The following AFMID variants were observed in gnomAD, a reference collection of about 807,000 sequenced individuals.
AFMID encodes arylformamidase, also known as kynurenine formamidase.
Under a neutral mutation model 47.5 loss-of-function variants are expected in AFMID, and 39 were observed. The observed-to-expected ratio is 0.82, with a 90% confidence interval of 0.64 to 1.07. The LOEUF (loss-of-function observed/expected upper bound fraction) is 1.07, where lower values mean the gene tolerates loss of function less well. AFMID is among the 50% of genes least tolerant of loss of function. AFMID has a pLI of 0.00. For missense variants in AFMID, 375 were observed against 387.5 expected (o/e 0.97, Z 0.27); for synonymous variants, 130 against 153.2 (o/e 0.85, Z 1.12).
intron 2 of AFMID, among the ~76,000 whole-genome samples, chr17:78,199,163 T>C (rs1196274107): frequency 2.6e-5 from 4 of 152,266 alleles, no homozygotes; most frequent in Admixed American, 2.0e-4. Flanking sequence ...GGCAGCTTCC[T>C]GCCTGGATTG....
chr17:78,202,799 C>T, intron 4 of AFMID, 48 bp downstream of exon 4: 1 of 1,548,206 alleles, frequency 6.5e-7, no homozygotes, highest in Non-Finnish European at 8.7e-7. Flanking sequence ...ATTCCACTTT[C>T]CCTGGGGGAC....
chr17:78,194,951 A>G (rs926093810), intron 2 of AFMID, among the ~76,000 whole-genome samples: 1 of 151,364 alleles, frequency 6.6e-6, no homozygotes, highest in African/African-American at 2.4e-5. Flanking sequence ...GCCTCAGCCT[A>G]CCAAAGTGCT....
At chr17:78,192,384 G>A (rs1371380009) in intron 2 of AFMID, among the ~76,000 whole-genome samples, 7 of 137,942 alleles carry the variant, frequency 5.1e-5, no homozygotes, top group East Asian at 4.3e-4. Context: ...GTGCAATCTC[G>A]GCTCACTGCA....
chr17:78,202,272 TATAA>T (rs1289957376), intron 2 of AFMID, among the ~76,000 whole-genome samples: 1 of 150,164 alleles, frequency 6.7e-6, no homozygotes, highest in East Asian at 2.0e-4. Flanking sequence ...TATATATATA[TATAA>T]AAATTAGCTG....
At chr17:78,195,787 C>T (rs148515748) in intron 2 of AFMID, among the ~76,000 whole-genome samples, 22 of 152,228 alleles carry the variant, frequency 1.4e-4, no homozygotes, top group African/African-American at 3.6e-4. Context: ...AGAGCCACCA[C>T]GCCCGGCCTT....
rs1259198900 is a variant in AFMID, at chr17:78,202,725, T to A, written c.282T>A (p.Phe94Leu). 6.4e-7 allele frequency: 1 copy of A among 1,559,208 alleles called. No individual in the cohort carries two copies. Among genetic ancestry groups the A allele is most frequent in the Non-Finnish European group, 8.7e-7 (1 of 1,151,186 alleles). ...CAGCCTTGCCTTTCTTCCTGTTCTT[T>A]CACGGAGGATACTGGCAGAGCGGAA... is the stretch of plus-strand genomic sequence containing the variant. ...SSEALPFFLFFHGGYWQSGSK... is the reference protein window; with the variant it reads ...SSEALPFFLFLHGGYWQSGSK... Residue 94 changes from phenylalanine to leucine, a missense_variant, in exon 4 of 11, where the codon TTT becomes TTA. By Grantham distance (22) the Phe-to-Leu change is conservative. Coordinates refer to ENST00000409257, the MANE Select transcript of AFMID (RefSeq NM_001010982.5).
intron 10 of AFMID, 88 bp downstream of exon 10, chr17:78,206,138 C>A: frequency 9.1e-7 from 1 of 1,102,316 alleles, no homozygotes; most frequent in Non-Finnish European, 1.4e-6. Flanking sequence ...GAGTTCAAGA[C>A]CAGCCTGGCC....
chr17:78,205,236 A>G (rs1202722347), intron 7 of AFMID, 46 bp downstream of exon 7: 7 of 1,566,532 alleles, frequency 4.5e-6, no homozygotes, highest in African/African-American at 2.7e-5. Context: ...TCATCTCCCC[A>G]TGAGCCTTGG....
In AFMID at chr17:78,191,096, T is replaced by C. The variant is rs765647031; in HGVS notation, c.154+36T>C. On this transcript the variant is annotated intron_variant, in intron 2 of 10. Transcript: ENST00000409257. ...GACCTCTCCGTGGCCGCATTGGGTG[T>C]CCTTAAGCATGTGGCAGTGATTCAG... is the stretch of plus-strand genomic sequence containing the variant. 180 of 1,568,576 alleles carry C rather than the reference T, an allele frequency of 1.1e-4. No individual in the cohort carries two copies. The South Asian group carries it at 1.9e-3, about 16-fold the overall frequency.
At position 78,205,990 on chromosome 17, in the gene AFMID, C is replaced by T. The variant is rs376885495; in HGVS notation, c.825C>T (p.His275=). 3.8e-5 allele frequency: 62 copies of T among 1,613,966 alleles called. No individual in the cohort carries two copies. Among genetic ancestry groups the T allele is most frequent in the Non-Finnish European group, 4.7e-5 (55 of 1,180,024 alleles). ...GGAAAGCCTCATTTGAAGAGCTCCA[C>T]GATGTGGACCACTTTGAAATTGTTG... is the stretch of plus-strand genomic sequence containing the variant. ...GEWKASFEEL[H]DVDHFEIVEN... is the part of the protein sequence containing the mutation. Residue 275 remains histidine, a synonymous_variant, in exon 10 of 11, where the codon CAC becomes CAT. Transcript: ENST00000409257.
At chr17:78,202,423 C>G (rs544788496) in intron 2 of AFMID, 76 bp from the exon 3 acceptor site, 20 of 1,423,432 alleles carry the variant, frequency 1.4e-5, no homozygotes, top group Non-Finnish European at 1.4e-5. Flanking sequence ...AGTGAGACTT[C>G]GTCTCAAAAA....
chr17:78,201,150 C>G (rs926718560), intron 2 of AFMID, among the ~76,000 whole-genome samples: 16 of 151,852 alleles, frequency 1.1e-4, no homozygotes, highest in African/African-American at 3.9e-4. Flanking sequence ...GTGTCCACCA[C>G]CACGTCCAGA....
At position 78,207,002 on chromosome 17, in the gene AFMID, T is replaced by C. The variant is rs748862659; in HGVS notation, c.*65T>C. The C allele has an allele frequency of 5.1e-6, 8 of 1,558,142 alleles. No homozygotes were observed. The South Asian group carries it at 7.8e-5, about 15-fold the overall frequency. The stretch of plus-strand genomic sequence containing the variant: ...CTTGGGAAGCCTCTCCAAAGAGCTT[T>C]CGGAGCTGACACTGACAGCTTCAGT... On this transcript the variant is annotated 3_prime_UTR_variant, in exon 11 of 11. Coordinates refer to ENST00000409257, the MANE Select transcript of AFMID (RefSeq NM_001010982.5).
chr17:78,202,865 G>T, intron 4 of AFMID, 114 bp downstream of exon 4: 3 of 1,289,540 alleles, frequency 2.3e-6, no homozygotes, highest in Non-Finnish European at 3.3e-6. Context: ...TCCTTGCAGG[G>T]CTGTGTCTCA....
intron 4 of AFMID, among the ~76,000 whole-genome samples, chr17:78,204,236 G>A (rs144878305): frequency 6.6e-6 from 1 of 151,994 alleles, no homozygotes; most frequent in African/African-American, 2.4e-5. Context: ...GGAGGATTGA[G>A]TTAGAAACCA....
In AFMID at chr17:78,199,369, GT is replaced by G. The variant is rs869162842; in HGVS notation, c.155-3119del. 2.5e-3 allele frequency among the ~76,000 whole-genome samples: 350 copies of G among 140,464 alleles called. 1 individual carries two copies. The highest frequency in any genetic ancestry group is 6.0e-3 in the African/African-American group (217 of 36,288). 92.1% of individuals were successfully genotyped at this position (140,464 alleles called of 152,430 possible). ...TCACCCACCCGAGGGAAGCACGGTT[GT>G]TTTTTTTTTTCTTTTCTTTTTTTTT... On this transcript the variant is annotated intron_variant, in intron 2 of 10. Transcript: ENST00000409257.
chr17:78,192,764 A>G, intron 2 of AFMID: 1 of 409,524 alleles, frequency 2.4e-6, no homozygotes, highest in South Asian at 1.8e-5. Flanking sequence ...GATGGGGAGC[A>G]GGCCCCGAGG....
intron 10 of AFMID, 104 bp from the exon 11 acceptor site, chr17:78,206,807 C>T: frequency 7.6e-7 from 1 of 1,313,008 alleles, no homozygotes; most frequent in South Asian, 1.2e-5. Context: ...GTTGGGGTTG[C>T]AGACGTGAGC....
chr17:78,204,473 A>G (rs1264589114), intron 4 of AFMID, among the ~76,000 whole-genome samples, 183 bp from the exon 5 acceptor site: 1 of 152,158 alleles, frequency 6.6e-6, no homozygotes, highest in Non-Finnish European at 1.5e-5. Flanking sequence ...AGTTCCCCCA[A>G]GGTCCCGTAG....
Sources: gnomAD v4.1 joint callset for allele counts (sites outside exome capture counted in the v4.1 genomes callset) on GRCh38, gnomAD v4.1.1 for gene constraint, MANE v1.5 for transcripts, NCBI Gene and HGNC (gene_info 2026-07-23, HGNC 2026-07-21) for gene names.